The following NREP variants were observed in gnomAD, a reference collection of about 807,000 sequenced individuals.
NREP encodes neuronal regeneration related protein, also known as neuronal regeneration-related protein.
NREP carries 5 observed loss-of-function variants against 8.6 expected under a neutral mutation model. The ratio of observed to expected loss-of-function variants is 0.58; its 90% CI spans 0.30 to 1.22. The LOEUF is 1.22. Ranked by LOEUF, NREP falls within the 50% of genes most tolerant of loss-of-function variation. The probability of loss-of-function intolerance (pLI) is 0.07; values close to 1 mark genes in which losing one functional copy is unlikely to be tolerated. For synonymous variants in NREP, 27 were observed against 28.0 expected (o/e 0.96, Z 0.11); for missense variants, 86 against 82.5 (o/e 1.04, Z -0.17).
At chr5:111,836,429 T>G (rs992018021) in intron 2 of NREP, among the ~76,000 whole-genome samples, 2 of 152,026 alleles carry the variant, frequency 1.3e-5, no homozygotes, top group South Asian at 2.1e-4. Flanking sequence ...AGATAGGACC[T>G]AAGTCAGGGA....
At position 111,889,222 on chromosome 5, in the gene NREP, C is replaced by A. The variant is rs957501177; in HGVS notation, c.135+86052G>T. Among the ~76,000 whole-genome samples, 11 of 152,176 alleles carry A rather than the reference C, an allele frequency of 7.2e-5. 1 individual carries two copies. Among genetic ancestry groups the A allele is most frequent in the African/African-American group, 2.7e-4 (11 of 41,446 alleles). ...GGCCCCAGGAAGCTTACAGTCATGA[C>A]AGAAGGCAAAAGAGGAAACAGGTGT... On this transcript the variant is annotated intron_variant, in intron 2 of 3. Transcript: ENST00000395634.
chr5:111,762,770 C>G (rs772367814), intron 2 of NREP, among the ~76,000 whole-genome samples: 14 of 152,186 alleles, frequency 9.2e-5, no homozygotes, highest in Non-Finnish European at 1.9e-4. Context: ...GCCCTCCGGT[C>G]TGTGGTACTT....
At chr5:111,940,256 T>C (rs1034327114) in intron 2 of NREP, 2 of 151,972 alleles carry the variant, frequency 1.3e-5, no homozygotes, top group African/African-American at 4.8e-5. Context: ...GACTACGAAA[T>C]ACCAAAAACA....
chr5:111,780,802 G>A (rs1471971661), intron 2 of NREP, among the ~76,000 whole-genome samples: 10 of 152,194 alleles, frequency 6.6e-5, no homozygotes, highest in African/African-American at 2.2e-4. Context: ...AGAAGGCCAC[G>A]CCAATATATA....
intron 2 of NREP, among the ~76,000 whole-genome samples, chr5:111,939,542 T>C (rs567985953): frequency 6.6e-6 from 1 of 152,170 alleles, no homozygotes; most frequent in South Asian, 2.1e-4. Context: ...TGATCATTAG[T>C]GGTCATTAGC....
chr5:111,772,223 G>C lies in NREP; in HGVS notation c.136-36716C>G, dbSNP rs899494844. 4.6e-5 allele frequency among the ~76,000 whole-genome samples: 7 copies of C among 152,088 alleles called. No individual in the cohort carries two copies. In the South Asian group the frequency reaches 1.2e-3, roughly 27 times the overall value. On this transcript the variant is annotated intron_variant, in intron 2 of 3. Coordinates refer to the NREP transcript ENST00000395634. ...TTTAGTTGCCCTCATGCTGTGACTT[G>C]TAAAATTATCATCTCAATCACAGTA... is the stretch of plus-strand genomic sequence containing the variant.
chr5:111,852,229 TGGC>T (rs1289681635), intron 2 of NREP, among the ~76,000 whole-genome samples: 1 of 152,184 alleles, frequency 6.6e-6, no homozygotes, highest in Non-Finnish European at 1.5e-5. Context: ...TAAGGAAGGA[TGGC>T]AAGTGAGGGA....
chr5:111,910,068 A>G (rs1235957611), intron 2 of NREP, among the ~76,000 whole-genome samples: 1 of 152,152 alleles, frequency 6.6e-6, no homozygotes, highest in Non-Finnish European at 1.5e-5. Flanking sequence ...CACATTTGCA[A>G]GAGAACATAT....
Position 111,889,133 on chromosome 5 carries a change from A to C in NREP, c.135+86141T>G, listed in dbSNP as rs954823061. On this transcript the variant is annotated intron_variant, in intron 2 of 3. Transcript: ENST00000395634. The stretch of plus-strand genomic sequence containing the variant: ...GAGACTAGATAATTTATAAGAGAAG[A>C]ATAACTGACTCATGGTTCTGCAGGC... Among the ~76,000 whole-genome samples, 4 of 152,342 alleles carry C rather than the reference A, an allele frequency of 2.6e-5. No homozygotes were observed. In the South Asian group the frequency reaches 8.3e-4, roughly 32 times the overall value.
intron 2 of NREP, among the ~76,000 whole-genome samples, chr5:111,970,186 T>C (rs563328899): frequency 4.7e-4 from 71 of 152,340 alleles, no homozygotes; most frequent in Non-Finnish European, 8.8e-4. Context: ...CAATCGATTG[T>C]AAAATAAATC....
intron 2 of NREP, among the ~76,000 whole-genome samples, chr5:111,755,081 A>T (rs996244940): frequency 2.0e-5 from 3 of 152,158 alleles, no homozygotes; most frequent in Non-Finnish European, 4.4e-5. Context: ...TAATATACTT[A>T]TTCAGCTGCT....
intron 2 of NREP, among the ~76,000 whole-genome samples, chr5:111,798,883 C>A (rs1332759524): frequency 6.6e-6 from 1 of 152,108 alleles, no homozygotes; most frequent in Non-Finnish European, 1.5e-5. Context: ...CTGCTATACA[C>A]ATGTGTGTTC....
chr5:111,864,503 GGAAAGACATACA>G, intron 2 of NREP, among the ~76,000 whole-genome samples: 1 of 152,108 alleles, frequency 6.6e-6, no homozygotes, highest in South Asian at 2.1e-4. Context: ...TGTATATAAT[GGAAAGACATACA>G]TATAATGAAA....
At chr5:111,840,227 CAA>C (rs544061405) in intron 2 of NREP, among the ~76,000 whole-genome samples, 2 of 149,652 alleles carry the variant, frequency 1.3e-5, no homozygotes, top group African/African-American at 2.4e-5. Context: ...GCTCATGACT[CAA>C]AAAAAAAGAG....
intron 2 of NREP, among the ~76,000 whole-genome samples, chr5:111,825,785 T>A (rs1752608521): frequency 1.3e-5 from 2 of 152,172 alleles, no homozygotes; most frequent in African/African-American, 4.8e-5. Flanking sequence ...AACCAGCTTC[T>A]AACTCCATGG....
chr5:111,803,920 G>C (rs1303213054), intron 2 of NREP, among the ~76,000 whole-genome samples: 1 of 152,130 alleles, frequency 6.6e-6, no homozygotes, highest in African/African-American at 2.4e-5. Flanking sequence ...TCTTGGATTA[G>C]GAGAATAAAG....
At chr5:111,930,130 C>T (rs1479539977) in intron 2 of NREP, among the ~76,000 whole-genome samples, 3 of 152,152 alleles carry the variant, frequency 2.0e-5, no homozygotes, top group Admixed American at 6.6e-5. Flanking sequence ...AGCAACTAGG[C>T]CTATGGCCCT....
intron 2 of NREP, among the ~76,000 whole-genome samples, chr5:111,847,361 A>G (rs1477318891): frequency 6.6e-6 from 1 of 152,090 alleles, no homozygotes; most frequent in Non-Finnish European, 1.5e-5. Flanking sequence ...AATAAATCCT[A>G]CTATGTGGGC....
At chr5:111,961,284 C>T (rs1189298029) in intron 2 of NREP, among the ~76,000 whole-genome samples, 1 of 152,192 alleles carries the variant, frequency 6.6e-6, no homozygotes, top group Non-Finnish European at 1.5e-5. Context: ...ACACCTTACC[C>T]ACTCAGCCAC....
Sources: allele counts gnomAD v4.1 joint callset (sites outside exome capture counted in the v4.1 genomes callset), GRCh38; gene constraint gnomAD v4.1.1; transcripts MANE v1.5; gene names NCBI Gene and HGNC (gene_info 2026-07-23, HGNC 2026-07-21).